MDN1: variants seen among roughly 807,000 people sequenced by gnomAD.
The protein encoded by MDN1 is midasin AAA ATPase 1.
In MDN1, 266 loss-of-function variants were observed where a neutral mutation model predicts 669.2. The ratio of observed to expected loss-of-function variants is 0.40; its 90% confidence interval spans 0.36 to 0.44. The LOEUF is 0.44. Among genes scored for constraint, MDN1 ranks in the 20% least tolerant of loss-of-function variants. The probability of loss-of-function intolerance (pLI) is 1.00; values close to 1 mark genes in which losing one functional copy is unlikely to be tolerated. For synonymous variants in MDN1, 2,385 were observed against 2,457.1 expected (o/e 0.97, Z 0.87); for missense variants, 5,940 against 6,754.0 (o/e 0.88, Z 4.22).
rs79851618 is a variant in MDN1, at chr6:89,703,381, C to T, written c.8149-1320G>A. Among the ~76,000 whole-genome samples the T allele has an allele frequency of 2.0e-5, 3 of 146,550 alleles. No homozygotes were observed. The Admixed American group carries it at 2.1e-4, about 10-fold the overall frequency. ...CCATGTATGGGGAAGGGGGGGGGGT[C>T]TATCTGTGAATCCTCTGTTTTATTG... On this transcript the variant is annotated intron_variant, in intron 53 of 101. Transcript: ENST00000369393.
chr6:89,780,039 C>T (rs1818580588), intron 11 of MDN1, among the ~76,000 whole-genome samples, 173 bp downstream of exon 11: 1 of 150,940 alleles, frequency 6.6e-6, no homozygotes, highest in Non-Finnish European at 1.5e-5. Context: ...GCACTCCAGC[C>T]TTGGGGACAA....
rs142824193 is a variant in MDN1 at position 89,743,976 on chromosome 6, G to A, written c.4179-262C>T. On this transcript the variant is annotated intron_variant, in intron 29 of 101. Transcript: ENST00000369393. ...TCACCAGCTGGGCGCAGTGCCTCAC[G>A]CCTGTAACCCTAGCACTTTGGGAGG... Among the ~76,000 whole-genome samples the A allele has an allele frequency of 2.0e-3, 306 of 151,948 alleles. 2 individuals are homozygous for A. The highest frequency in any genetic ancestry group is 7.6e-3 in the East Asian group (39 of 5,160).
At chr6:89,785,556 T>C (rs112134711) in intron 8 of MDN1, among the ~76,000 whole-genome samples, 4 of 152,130 alleles carry the variant, frequency 2.6e-5, no homozygotes, top group Non-Finnish European at 4.4e-5. Context: ...GAGAAAAAAG[T>C]AGAGAAGGAA....
intron 14 of MDN1, among the ~76,000 whole-genome samples, chr6:89,772,241 T>A (rs762662325): frequency 6.6e-6 from 1 of 152,060 alleles, no homozygotes; most frequent in Non-Finnish European, 1.5e-5. Flanking sequence ...GGCTCGCCAC[T>A]GCACTCCAGC....
chr6:89,780,610 C>A (rs555641591), intron 10 of MDN1, among the ~76,000 whole-genome samples: 2 of 151,188 alleles, frequency 1.3e-5, no homozygotes, highest in Admixed American at 6.6e-5. Context: ...GGGGAGCAAC[C>A]AATCAGATCA....
chr6:89,700,231 C>A lies in MDN1; in HGVS notation c.8702G>T (p.Gly2901Val). ...LELKAKGLSL[G>V]FLEKKHDEAS... ...TTCATCATGCTTTTTCTCCAGAAAA[C>A]CAAGTGAGAGTCCTTTGGCTTTCAG... Residue 2901 changes from glycine (G) to valine (V), a missense_variant, in exon 57 of 102, where the codon GGT becomes GTT. Physicochemically the swap from Gly to Val is moderately radical, Grantham distance 109. Coordinates refer to ENST00000369393, the MANE Select transcript of MDN1 (RefSeq NM_014611.3). 1 of 1,614,190 alleles carries A rather than the reference C, an allele frequency of 6.2e-7. No individual in the cohort carries two copies. The highest frequency in any genetic ancestry group is 8.5e-7 in the Non-Finnish European group (1 of 1,180,032).
At chr6:89,670,161 T>C (rs1387375365) in intron 83 of MDN1, among the ~76,000 whole-genome samples, 1 of 25,160 alleles carries the variant, frequency 4.0e-5, no homozygotes, top group Non-Finnish European at 7.0e-5. Flanking sequence ...TATATATATA[T>C]ATATATATAT....
intron 93 of MDN1, 73 bp from the exon 94 acceptor site, chr6:89,653,228 G>GA (rs1809004779): frequency 7.2e-7 from 1 of 1,389,298 alleles, no homozygotes; most frequent in Non-Finnish European, 9.9e-7. Flanking sequence ...GCTATTGCCT[G>GA]TTAATCCTGA....
At chr6:89,762,582 G>A (rs570979727) in intron 15 of MDN1, 52 bp from the exon 16 acceptor site, 2 of 1,387,622 alleles carry the variant, frequency 1.4e-6, no homozygotes, top group Middle Eastern at 1.8e-4. Context: ...GTTAACAGAA[G>A]TTAGAAAGCA....
In MDN1 at chr6:89,654,360, A is replaced by G. The variant is rs766194086; in HGVS notation, c.15491-26T>C. 5.6e-6 allele frequency: 9 copies of G among 1,612,820 alleles called. No individual in the cohort carries two copies. In the South Asian group the frequency reaches 8.8e-5, roughly 16 times the overall value. On this transcript the variant is annotated intron_variant, in intron 92 of 101. Transcript: ENST00000369393. ...CTGTCAACAAAGCACGCACCCACAC[A>G]TAAAAATCCTAGGTCTTTGCAGAAC...
intron 51 of MDN1, 49 bp downstream of exon 51, chr6:89,708,447 C>T (rs777793486): frequency 1.3e-5 from 20 of 1,599,766 alleles, no homozygotes; most frequent in African/African-American, 2.7e-5. Flanking sequence ...AGGTATAATC[C>T]GAGAAGCCAG....
At chr6:89,732,158 C>T (rs893826575) in intron 34 of MDN1, among the ~76,000 whole-genome samples, 4 of 150,212 alleles carry the variant, frequency 2.7e-5, no homozygotes, top group African/African-American at 9.8e-5. Context: ...CCCCTCTGCA[C>T]AAAAATAAAA....
rs1818594498 is a variant in MDN1 at position 89,780,203 on chromosome 6, A to G, written c.1725+9T>C. The G allele has an allele frequency of 6.6e-7, 1 of 1,508,392 alleles. No homozygotes were observed. Among genetic ancestry groups the G allele is most frequent in the Non-Finnish European group, 9.0e-7 (1 of 1,116,042 alleles). 93.4% of individuals were successfully genotyped at this position (1,508,392 alleles called of 1,614,324 possible). ...CCAAGACAAAAAAGACTGGAAAACT[A>G]TATCTTACCTCTTGAAAAATATTTA... On this transcript the variant is annotated intron_variant, in intron 11 of 101. Transcript: ENST00000369393.
chr6:89,690,751 G>T lies in MDN1; in HGVS notation c.10671C>A (p.Ser3557Arg). Residue 3557 changes from serine to arginine, a missense_variant, in exon 64 of 102, where the codon AGC becomes AGA. This residue lies in a region of MDN1 where 2,280 missense variants were observed against 2,576.3 expected (regional missense o/e 0.88). Coordinates refer to ENST00000369393, the MANE Select transcript of MDN1 (RefSeq NM_014611.3). ...CACTCAGGGCTGTCCTAGAGTTCCT[G>T]CTCCTGTATCTATACAGGCCGCTTT... ...EQESGLYRYRSRNSRTALSEE... is the reference protein window; with the variant it reads ...EQESGLYRYRRRNSRTALSEE... 1 of 1,614,028 alleles carries T rather than the reference G, an allele frequency of 6.2e-7. No individual in the cohort carries two copies. Among genetic ancestry groups the T allele is most frequent in the Non-Finnish European group, 8.5e-7 (1 of 1,180,006 alleles).
chr6:89,801,966 A>G (rs76825557), intron 2 of MDN1, among the ~76,000 whole-genome samples: 2 of 111,408 alleles, frequency 1.8e-5, no homozygotes, highest in South Asian at 6.8e-4. Context: ...CTTCAAAAAG[A>G]AAAAAAAAAA....
In MDN1 at chr6:89,680,725, G is replaced by A. The variant is rs1428246318; in HGVS notation, c.12129C>T (p.Gly4043=). Residue 4043 remains glycine (G), a synonymous_variant, in exon 74 of 102, where the codon GGC becomes GGT. Coordinates refer to ENST00000369393, the MANE Select transcript of MDN1 (RefSeq NM_014611.3). ...GQATIPEWCQ[G]AAPSGLEGEL... ...CCCCTTCCAAGCCGGAAGGAGCAGC[G>A]CCCTGACACCACTCTGGAATTGTGG... is the stretch of plus-strand genomic sequence containing the variant. The A allele has an allele frequency of 3.7e-6, 6 of 1,614,084 alleles. No individual in the cohort carries two copies. Among genetic ancestry groups the A allele is most frequent in the Non-Finnish European group, 3.4e-6 (4 of 1,180,004 alleles).
At position 89,714,682 on chromosome 6, in the gene MDN1, G is replaced by C; in HGVS notation, c.6930C>G (p.Ile2310Met). ...SRAMRNRGLEIYISGEGDAST... is the reference protein window; with the variant it reads ...SRAMRNRGLEMYISGEGDAST... Reference sequence around the variant, plus strand: ...TTGCATCCCCTTCCCCTGAAATGTAGATTTCAAGTCCACGATTCCTCATAG... The same window carrying C: ...TTGCATCCCCTTCCCCTGAAATGTACATTTCAAGTCCACGATTCCTCATAG... Residue 2310 changes from isoleucine to methionine, a missense_variant, in exon 46 of 102, where the codon ATC becomes ATG. By Grantham distance (10) the Ile-to-Met change is conservative (BLOSUM62 1). Coordinates refer to ENST00000369393, the MANE Select transcript of MDN1 (RefSeq NM_014611.3). 1 of 1,614,056 alleles carries C rather than the reference G, an allele frequency of 6.2e-7. No individual in the cohort carries two copies. Among genetic ancestry groups the C allele is most frequent in the Non-Finnish European group, 8.5e-7 (1 of 1,179,954 alleles).
chr6:89,759,596 T>C (rs1230450003), intron 17 of MDN1, among the ~76,000 whole-genome samples: 1 of 151,968 alleles, frequency 6.6e-6, no homozygotes, highest in Non-Finnish European at 1.5e-5. Context: ...AAACCCCATC[T>C]CTACTAAAAA....
intron 2 of MDN1, among the ~76,000 whole-genome samples, chr6:89,801,894 A>T: frequency 6.6e-6 from 1 of 152,020 alleles, no homozygotes; most frequent in Non-Finnish European, 1.5e-5. Context: ...CCCAGGAGAA[A>T]GAGGTTGCAG....
Sources: allele counts gnomAD v4.1 joint callset (sites outside exome capture counted in the v4.1 genomes callset), GRCh38; gene constraint gnomAD v4.1.1; regional missense constraint gnomAD v4.1.1; transcripts MANE v1.5; gene names NCBI Gene and HGNC (gene_info 2026-07-23, HGNC 2026-07-21).